The following ARHGEF16 variants were observed in gnomAD, a reference collection of about 807,000 sequenced individuals.
The protein encoded by ARHGEF16 is Rho guanine nucleotide exchange factor 16, also known as Rho guanine exchange factor (GEF) 16.
In ARHGEF16, 59 loss-of-function variants were observed where a neutral mutation model predicts 74.1. The ratio of observed to expected loss-of-function variants is 0.80; its 90% CI spans 0.65 to 0.99. The LOEUF is 0.99. Among genes scored for constraint, ARHGEF16 ranks in the 50% least tolerant of loss-of-function variants. The pLI, the probability that ARHGEF16 is intolerant of heterozygous loss-of-function variation, is 0.00. For synonymous variants in ARHGEF16, 415 were observed against 412.6 expected (o/e 1.01, Z -0.07); for missense variants, 948 against 986.6 (o/e 0.96, Z 0.52).
At position 3,468,876 on chromosome 1, in the gene ARHGEF16, C is replaced by T; in HGVS notation, c.805-4C>T. On this transcript the variant is annotated splice_polypyrimidine_tract_variant and splice_region_variant and intron_variant, in intron 4 of 14. Coordinates refer to ENST00000378378, the MANE Select transcript of ARHGEF16 (RefSeq NM_014448.4). ...CGAGAGCTCCTGGGCCTGTGTCCCC[C>T]CAGGTGGTGGAATTGGGCATCCTGG... is the stretch of plus-strand genomic sequence containing the variant. 1 of 1,550,402 alleles carries T rather than the reference C, an allele frequency of 6.4e-7. No individual in the cohort carries two copies. Among genetic ancestry groups the T allele is most frequent in the Non-Finnish European group, 8.7e-7 (1 of 1,146,860 alleles).
chr1:3,467,911 C>T (rs1035208015), intron 4 of ARHGEF16, among the ~76,000 whole-genome samples: 3 of 152,104 alleles, frequency 2.0e-5, no homozygotes, highest in Non-Finnish European at 4.4e-5. Flanking sequence ...GCGTGGCGGG[C>T]AGCGGGGAGG....
In ARHGEF16 at chr1:3,463,126, C is replaced by T; in HGVS notation, c.42C>T (p.Leu14=). Residue 14 remains leucine (L), a synonymous_variant, in exon 2 of 15, where the codon CTC becomes CTT. Coordinates refer to ENST00000378378, the MANE Select transcript of ARHGEF16 (RefSeq NM_014448.4). ...CAGACAGCTCCTTGGAGGAGAAGCT[C>T]CTGGGACACCGCTTCCACTCGGAGC... ...RHSDSSLEEK[L]LGHRFHSELR... is the part of the protein sequence containing the mutation. 1 of 1,479,158 alleles carries T rather than the reference C, an allele frequency of 6.8e-7. No homozygotes were observed. The highest frequency in any genetic ancestry group is 9.0e-7 in the Non-Finnish European group (1 of 1,109,628). The allele number at this position is 1,479,158 out of a possible 1,614,324, so 91.6% of individuals were successfully genotyped here.
At chr1:3,474,888 C>T (rs900550203) in intron 9 of ARHGEF16, 106 bp downstream of exon 9, 8 of 982,944 alleles carry the variant, frequency 8.1e-6, no homozygotes, top group African/African-American at 1.6e-5. Context: ...CCCTACCTTC[C>T]AGGGCAGCGA....
intron 1 of ARHGEF16, among the ~76,000 whole-genome samples, chr1:3,459,866 G>A (rs1044413979): frequency 1.1e-4 from 16 of 152,134 alleles, no homozygotes; most frequent in African/African-American, 3.9e-4. Context: ...CAGGCAGGGA[G>A]GGGGTAGGAA....
Position 3,479,545 on chromosome 1 carries a change from C to T in ARHGEF16, c.1843C>T (p.Leu615Phe), listed in dbSNP as rs1326064594. 3 of 1,612,656 alleles carry T rather than the reference C, an allele frequency of 1.9e-6. No individual in the cohort carries two copies. The highest frequency in any genetic ancestry group is 3.3e-5 in the Admixed American group (2 of 60,008). Residue 615 changes from leucine to phenylalanine, a missense_variant, in exon 13 of 15, where the codon CTC becomes TTC. Physicochemically the swap from Leu to Phe is conservative, Grantham distance 22. Coordinates refer to ENST00000378378, the MANE Select transcript of ARHGEF16 (RefSeq NM_014448.4). ...TGACCGGGCACGGTGGATCGTGGCG[C>T]TCACACACAGTGAGAGACAGTGGCA... ...ASDRARWIVA[L>F]THSERQWQGL...
chr1:3,459,624 G>A (rs1639346920), intron 1 of ARHGEF16, among the ~76,000 whole-genome samples: 1 of 152,036 alleles, frequency 6.6e-6, no homozygotes, highest in Non-Finnish European at 1.5e-5. Context: ...GAGGACGGGG[G>A]GTGTCTGGGA....
intron 8 of ARHGEF16, 126 bp downstream of exon 8, chr1:3,473,648 A>G: frequency 6.9e-7 from 1 of 1,458,478 alleles, no homozygotes; most frequent in Non-Finnish European, 9.3e-7. Flanking sequence ...TGATATTGTA[A>G]TAGTTACGAT....
intron 8 of ARHGEF16, 69 bp downstream of exon 8, chr1:3,473,591 G>C (rs552893816): frequency 6.3e-7 from 1 of 1,594,484 alleles, no homozygotes; most frequent in Non-Finnish European, 8.5e-7. Flanking sequence ...GCCCTGCCCC[G>C]GATGGAGCAT....
At chr1:3,474,964 C>G (rs990850921) in intron 9 of ARHGEF16, among the ~76,000 whole-genome samples, 182 bp downstream of exon 9, 1 of 151,946 alleles carries the variant, frequency 6.6e-6, no homozygotes, top group East Asian at 1.9e-4. Flanking sequence ...CCCAGAGGTT[C>G]CCAGATTATC....
chr1:3,466,682 T>G (rs561811966), intron 3 of ARHGEF16, among the ~76,000 whole-genome samples: 1 of 152,180 alleles, frequency 6.6e-6, no homozygotes, highest in African/African-American at 2.4e-5. Context: ...AGGTGCCTGC[T>G]ACCTGGGTCC....
intron 1 of ARHGEF16, among the ~76,000 whole-genome samples, chr1:3,457,217 C>T (rs565215522): frequency 5.3e-5 from 8 of 152,214 alleles, no homozygotes; most frequent in African/African-American, 1.9e-4. Flanking sequence ...CGAAGTTTGA[C>T]GGGCAGAATT....
At position 3,478,560 on chromosome 1, in the gene ARHGEF16, C is replaced by G. The variant is rs745391774; in HGVS notation, c.1762C>G (p.Leu588Val). 1 of 1,612,604 alleles carries G rather than the reference C, an allele frequency of 6.2e-7. No individual in the cohort carries two copies. Among genetic ancestry groups the G allele is most frequent in the Non-Finnish European group, 8.5e-7 (1 of 1,179,832 alleles). ...GCCCCACCCCTTCCAGGTGACCCTG[C>G]TTCGCAACAGCGAGGGCCGCCAGGA... Reference protein sequence around the residue: ...SVPHPFQVTLLRNSEGRQEQL... With the variant: ...SVPHPFQVTLVRNSEGRQEQL... The change falls in exon 12 of 15, where the codon CTT (leucine) becomes GTT (valine). Residue 588 changes from leucine (L) to valine (V), a missense_variant. Physicochemically the swap from Leu to Val is conservative, Grantham distance 32 (BLOSUM62 1). Coordinates refer to ENST00000378378, the MANE Select transcript of ARHGEF16 (RefSeq NM_014448.4).
At chr1:3,474,532 G>T in intron 8 of ARHGEF16, 176 bp from the exon 9 acceptor site, 1 of 613,174 alleles carries the variant, frequency 1.6e-6, no homozygotes, top group Non-Finnish European at 2.9e-6. Context: ...ACCTGGCAGA[G>T]CTCCAGGTGG....
rs1267008760 is a variant in ARHGEF16, at chr1:3,468,886, G to A, written c.811G>A (p.Glu271Lys). 1.3e-6 allele frequency: 2 copies of A among 1,550,358 alleles called. No homozygotes were observed. The highest frequency in any genetic ancestry group is 4.9e-5 in the East Asian group (2 of 40,916). The change falls in exon 5 of 15, where the codon GAA becomes AAA. Residue 271 changes from glutamate to lysine, a missense_variant. Glu to Lys is a moderately conservative substitution (Grantham distance 56). Coordinates refer to ENST00000378378, the MANE Select transcript of ARHGEF16 (RefSeq NM_014448.4). The part of the protein sequence containing the change: ...VTWSQLPEVV[E>K]LGILDQLSTE... The stretch of plus-strand genomic sequence containing the variant: ...TGGGCCTGTGTCCCCCCAGGTGGTG[G>A]AATTGGGCATCCTGGACCAGCTCTC...
At chr1:3,480,007 GCA>G in intron 14 of ARHGEF16, 94 bp downstream of exon 14, 1 of 1,257,346 alleles carries the variant, frequency 8.0e-7, no homozygotes. Flanking sequence ...ATGCCGGGCT[GCA>G]GGCTGACCAT....
intron 1 of ARHGEF16, among the ~76,000 whole-genome samples, chr1:3,460,652 G>A (rs1042382944): frequency 6.6e-6 from 1 of 152,142 alleles, no homozygotes; most frequent in African/African-American, 2.4e-5. Context: ...TTTCTCGGCC[G>A]GGCCTGGGTA....
intron 14 of ARHGEF16, 103 bp from the exon 15 acceptor site, chr1:3,480,345 C>T: frequency 6.6e-7 from 1 of 1,512,246 alleles, no homozygotes. Context: ...GTGGTCAGTT[C>T]TAGGAGAAGC....
rs1433727393 is a variant in ARHGEF16, at chr1:3,469,445, A to G, written c.874A>G (p.Ile292Val). 1 of 1,612,734 alleles carries G rather than the reference A, an allele frequency of 6.2e-7. No individual in the cohort carries two copies. The highest frequency in any genetic ancestry group is 1.3e-5 in the African/African-American group (1 of 74,892). Reference protein sequence around the residue: ...ERKRQEAMFEILTSEFSYQHS... With the variant: ...ERKRQEAMFEVLTSEFSYQHS... ...CCCCTCTCCACAGGCCATGTTCGAG[A>G]TCCTCACGTCGGAGTTCTCCTACCA... Residue 292 changes from isoleucine to valine, a missense_variant, in exon 6 of 15, where the codon ATC (isoleucine) becomes GTC (valine). By Grantham distance (29) the Ile-to-Val change is conservative. Coordinates refer to ENST00000378378, the MANE Select transcript of ARHGEF16 (RefSeq NM_014448.4).
chr1:3,464,215 C>T (rs1639480615), intron 2 of ARHGEF16, among the ~76,000 whole-genome samples: 1 of 152,232 alleles, frequency 6.6e-6, no homozygotes, highest in Admixed American at 6.5e-5. Flanking sequence ...ATGGTGGCGG[C>T]AGACCCTTTG....
Sources: allele counts gnomAD v4.1 joint callset (sites outside exome capture counted in the v4.1 genomes callset), GRCh38; gene constraint gnomAD v4.1.1; transcripts MANE v1.5; gene names NCBI Gene and HGNC (gene_info 2026-07-23, HGNC 2026-07-21).